NRP1: variants seen among roughly 807,000 people sequenced by gnomAD.
NRP1 encodes the protein neuropilin-1.
Under a neutral mutation model 106.7 loss-of-function variants are expected in NRP1, and 35 were observed. The ratio of observed to expected loss-of-function variants is 0.33; its 90% confidence interval spans 0.25 to 0.43. NRP1 has a LOEUF of 0.43. NRP1 is among the 20% of genes least tolerant of loss of function. The pLI, the probability that NRP1 is intolerant of heterozygous loss-of-function variation, is 1.00. For synonymous variants in NRP1, 437 were observed against 417.9 expected, an observed-to-expected ratio of 1.05 and a Z score of -0.56; for missense variants, 1,024 against 1,170.4, an observed-to-expected ratio of 0.87 and a Z score of 1.83.
At chr10:33,237,796 T>C (rs1383107180) in intron 6 of NRP1, among the ~76,000 whole-genome samples, 2 of 152,000 alleles carry the variant, frequency 1.3e-5, no homozygotes, top group African/African-American at 4.8e-5. Context: ...CCTCAAGTGA[T>C]CTGCCCACCT....
At chr10:33,310,961 A>G (rs1846566532) in intron 2 of NRP1, among the ~76,000 whole-genome samples, 3 of 152,178 alleles carry the variant, frequency 2.0e-5, no homozygotes, top group Admixed American at 2.0e-4. Flanking sequence ...AACCAATTCC[A>G]AAAAGTCAGA....
intron 3 of NRP1, 53 bp from the exon 4 acceptor site, chr10:33,263,926 C>T (rs1436527989): frequency 1.1e-5 from 13 of 1,137,358 alleles, no homozygotes; most frequent in East Asian, 2.4e-5. Flanking sequence ...TAAACAACTT[C>T]CCCAAGAAAT....
chr10:33,191,697 G>A (rs369233844), intron 13 of NRP1, among the ~76,000 whole-genome samples: 2 of 152,144 alleles, frequency 1.3e-5, no homozygotes, highest in Non-Finnish European at 2.9e-5. Flanking sequence ...TATAAGATGA[G>A]GCTAGTTGCG....
intron 12 of NRP1, chr10:33,194,695 T>C (rs1457981930): frequency 1.9e-6 from 1 of 513,844 alleles, no homozygotes; most frequent in Non-Finnish European, 4.0e-6. Context: ...GCAATTTGGT[T>C]ATTTAAAGGA....
Position 33,213,530 on chromosome 10 carries a change from C to T in NRP1, c.1470G>A (p.Gly490=), listed in dbSNP as rs267602474. 3 of 1,613,952 alleles carry T rather than the reference C, an allele frequency of 1.9e-6. No individual in the cohort carries two copies. In the African/African-American group the frequency reaches 4.0e-5, roughly 22 times the overall value. Residue 490 remains glycine, a synonymous_variant, in exon 9 of 17, where the codon GGG becomes GGA. Transcript: ENST00000374867. ...YINEWLQIDL[G]EEKIVRGIII... ...TGATGCCCCTCACGATCTTCTCCTC[C>T]CCCAGGTCTATTTGGAGCCACTCAT... is the stretch of plus-strand genomic sequence containing the variant.
intron 11 of NRP1, chr10:33,202,125 G>C (rs191855537): frequency 6.6e-6 from 1 of 152,378 alleles, no homozygotes; most frequent in Non-Finnish European, 1.5e-5. Context: ...CCAGGGAGCA[G>C]TAAAAGTCCC....
chr10:33,275,565 C>T (rs1843627877), intron 2 of NRP1, among the ~76,000 whole-genome samples: 1 of 151,766 alleles, frequency 6.6e-6, no homozygotes, highest in African/African-American at 2.4e-5. Context: ...GAGACTTTGT[C>T]TCAAACAAAC....
At chr10:33,198,426 G>A (rs1426657336) in intron 11 of NRP1, among the ~76,000 whole-genome samples, 1 of 152,036 alleles carries the variant, frequency 6.6e-6, no homozygotes, top group African/African-American at 2.4e-5. Flanking sequence ...ACAGGTATGA[G>A]CCACTGTGCC....
chr10:33,203,722 C>CTTTTT (rs34343692), intron 10 of NRP1, among the ~76,000 whole-genome samples: 15 of 68,138 alleles, frequency 2.2e-4, no homozygotes, highest in African/African-American at 4.9e-4. Context: ...TCAAAGACTG[C>CTTTTT]TTTTTTTTTT....
At position 33,178,830 on chromosome 10, in the gene NRP1, C is replaced by T. The variant is rs1564356388; in HGVS notation, c.*1246G>A. 1 of 152,590 alleles carries T rather than the reference C, an allele frequency of 6.6e-6. No homozygotes were observed. The highest frequency in any genetic ancestry group is 1.5e-5 in the Non-Finnish European group (1 of 68,024). The allele number at this position is 152,590 out of a possible 1,614,324, so 9.5% of individuals were successfully genotyped here. A position where few individuals can be genotyped will look rare whatever the true frequency, so the allele number is the denominator to read the frequency against. ...GGAAAAAAGATACTGTCACTTTAAC[C>T]AGTTAACAAGAAAACCAAAGTTAGA... On this transcript the variant is annotated 3_prime_UTR_variant, in exon 17 of 17. Transcript: ENST00000374867.
At chr10:33,190,041 T>G (rs140164476) in intron 13 of NRP1, among the ~76,000 whole-genome samples, 1 of 152,240 alleles carries the variant, frequency 6.6e-6, no homozygotes, top group African/African-American at 2.4e-5. Flanking sequence ...CAAACCCTTC[T>G]GAAGGAATCG....
chr10:33,228,412 TA>T (rs1348470034), intron 6 of NRP1, among the ~76,000 whole-genome samples: 4 of 151,878 alleles, frequency 2.6e-5, no homozygotes, highest in East Asian at 1.9e-4. Context: ...ACAAAACAAA[TA>T]AAAAAAGCCA....
intron 9 of NRP1, among the ~76,000 whole-genome samples, chr10:33,210,136 C>G (rs1838181253): frequency 6.6e-6 from 1 of 151,848 alleles, no homozygotes; most frequent in South Asian, 2.1e-4. Context: ...AGAAAAGCCT[C>G]TAGGAGTTTA....
In NRP1 at chr10:33,206,394, A is replaced by C. The variant is rs373932453; in HGVS notation, c.1759+1178T>G. 3.0e-4 allele frequency: 153 copies of C among 508,302 alleles called. 1 individual carries two copies. Among genetic ancestry groups the C allele is most frequent in the Non-Finnish European group, 5.5e-4 (139 of 254,084 alleles). The allele number at this position is 508,302 out of a possible 1,614,324, so 31.5% of individuals were successfully genotyped here. A position where few individuals can be genotyped will look rare whatever the true frequency, so the allele number is the denominator to read the frequency against. ...GTTTGGGACATGACTACAGATATGG[A>C]AACAACCACACGGTGAAGAATAGGA... On this transcript the variant is annotated intron_variant, in intron 10 of 16. Coordinates refer to ENST00000374867, the MANE Select transcript of NRP1 (RefSeq NM_003873.7).
At chr10:33,298,777 C>T (rs1192918981) in intron 2 of NRP1, among the ~76,000 whole-genome samples, 2 of 152,014 alleles carry the variant, frequency 1.3e-5, no homozygotes, top group Non-Finnish European at 2.9e-5. Flanking sequence ...GTACTTGTGG[C>T]GATTAAAGAT....
intron 2 of NRP1, among the ~76,000 whole-genome samples, chr10:33,279,774 T>C (rs1226824069): frequency 1.3e-5 from 2 of 152,164 alleles, no homozygotes; most frequent in African/African-American, 2.4e-5. Context: ...TGATAGGTAC[T>C]GAAGGGAGGA....
intron 2 of NRP1, among the ~76,000 whole-genome samples, chr10:33,309,995 T>C (rs1281933456): frequency 6.6e-6 from 1 of 151,586 alleles, no homozygotes; most frequent in African/African-American, 2.4e-5. Flanking sequence ...TCGCCCAGGC[T>C]GGAGTGCAGT....
chr10:33,192,436 T>C lies in NRP1; in HGVS notation c.1925-18A>G, dbSNP rs1364303998. The C allele has an allele frequency of 3.7e-6, 6 of 1,611,716 alleles. No individual in the cohort carries two copies. The highest frequency in any genetic ancestry group is 5.1e-6 in the Non-Finnish European group (6 of 1,178,790). On this transcript the variant is annotated intron_variant, in intron 12 of 16. Transcript: ENST00000374867. ...TGGAAACTCTTCAGTGGGTGGGAAGTAAAAATAAGAGACAAGCAAAGAAAG... is the reference window on the plus strand; with the variant it reads ...TGGAAACTCTTCAGTGGGTGGGAAGCAAAAATAAGAGACAAGCAAAGAAAG...
intron 15 of NRP1, among the ~76,000 whole-genome samples, 176 bp from the exon 16 acceptor site, chr10:33,182,924 AAG>A (rs1835778404): frequency 6.6e-6 from 1 of 152,142 alleles, no homozygotes; most frequent in South Asian, 2.1e-4. Context: ...CAGATCAATA[AAG>A]AGGCAATGTT....
Sources: gnomAD v4.1 joint callset for allele counts (sites outside exome capture counted in the v4.1 genomes callset) on GRCh38, gnomAD v4.1.1 for gene constraint, MANE v1.5 for transcripts, NCBI Gene and HGNC (gene_info 2026-07-23, HGNC 2026-07-21) for gene names.